Variants in RERE observed in about 807,000 individuals in gnomAD.
The protein encoded by RERE is arginine-glutamic acid dipeptide repeats, also known as arginine-glutamic acid dipeptide repeats protein.
A neutral mutation model predicts 146.1 loss-of-function variants in RERE; 40 were observed. The observed-to-expected ratio is 0.27, with a 90% CI of 0.21 to 0.36. The LOEUF is 0.36. RERE is among the 10% of genes least tolerant of loss of function. The probability of loss-of-function intolerance (pLI) is 1.00; values close to 1 mark genes in which losing one functional copy is unlikely to be tolerated. For missense variants in RERE, 1,933 were observed against 2,138.7 expected (o/e 0.90, Z 1.90); for synonymous variants, 1,003 against 866.0 (o/e 1.16, Z -2.78).
chr1:8,753,907 C>G (rs1640586581), intron 1 of RERE: 1 of 152,190 alleles, frequency 6.6e-6, no homozygotes, highest in African/African-American at 2.4e-5. Flanking sequence ...GGTCCTCATG[C>G]ATAATGCACA....
intron 1 of RERE, among the ~76,000 whole-genome samples, chr1:8,715,079 C>T (rs1173166420): frequency 4.0e-5 from 6 of 151,644 alleles, no homozygotes; most frequent in African/African-American, 9.7e-5. Flanking sequence ...TCACCATGTT[C>T]GCCAGGATGC....
chr1:8,614,602 G>C lies in RERE; in HGVS notation c.481C>G (p.Pro161Ala). ...CCGGCTTCAGAAAGATGCTGTGGTG[G>C]CTGTGATGCCACCGGCAGAGAGCAT... The part of the protein sequence containing the change: ...PACSLPVASQ[P>A]PQHLSEAGRG... The change falls in exon 4 of 23, where the codon CCA becomes GCA. Residue 161 changes from proline (P) to alanine (A), a missense_variant. Around this residue, in one of 11 missense-constraint regions of RERE, gnomAD observed 74 missense variants for 99.6 expected, o/e 0.74. Coordinates refer to ENST00000400908, the MANE Select transcript of RERE (RefSeq NM_001042681.2). 1 of 1,613,108 alleles carries C rather than the reference G, an allele frequency of 6.2e-7. No individual in the cohort carries two copies. Among genetic ancestry groups the C allele is most frequent in the Non-Finnish European group, 8.5e-7 (1 of 1,179,466 alleles).
chr1:8,359,619 G>A, intron 19 of RERE, 145 bp downstream of exon 19: 3 of 900,030 alleles, frequency 3.3e-6, no homozygotes, highest in Non-Finnish European at 5.2e-6. Flanking sequence ...CAGAGGTGTG[G>A]AGACAGGGTG....
chr1:8,788,358 A>T (rs1463981392), intron 1 of RERE, among the ~76,000 whole-genome samples: 1 of 151,388 alleles, frequency 6.6e-6, no homozygotes, highest in Non-Finnish European at 1.5e-5. Flanking sequence ...GTGTTTATCA[A>T]GGAGTTTTTT....
intron 1 of RERE, among the ~76,000 whole-genome samples, chr1:8,666,482 A>C (rs1638576962): frequency 6.6e-6 from 1 of 152,148 alleles, no homozygotes; most frequent in African/African-American, 2.4e-5. Context: ...CCAAACAGGC[A>C]CCCTACAGCT....
intron 8 of RERE, among the ~76,000 whole-genome samples, chr1:8,500,062 C>T (rs749296830): frequency 6.6e-6 from 1 of 152,128 alleles, no homozygotes; most frequent in African/African-American, 2.4e-5. Flanking sequence ...CGGAGGTTCC[C>T]GTGAGCTGAG....
At chr1:8,766,783 A>G (rs908967408) in intron 1 of RERE, among the ~76,000 whole-genome samples, 1 of 152,174 alleles carries the variant, frequency 6.6e-6, no homozygotes, top group Non-Finnish European at 1.5e-5. Flanking sequence ...GAAAATTCAC[A>G]ATATTGTGAA....
At chr1:8,782,232 T>G (rs996617959) in intron 1 of RERE, among the ~76,000 whole-genome samples, 3 of 152,102 alleles carry the variant, frequency 2.0e-5, no homozygotes, top group African/African-American at 7.2e-5. Context: ...TTTAGCAGAT[T>G]TTTGACACAC....
intron 1 of RERE, among the ~76,000 whole-genome samples, chr1:8,707,442 G>A (rs534345182): frequency 3.9e-5 from 6 of 151,952 alleles, no homozygotes; most frequent in Admixed American, 6.6e-5. Flanking sequence ...CCACCACTCC[G>A]CTCTGTCACA....
intron 11 of RERE, among the ~76,000 whole-genome samples, chr1:8,463,254 G>A (rs1444350555): frequency 6.6e-6 from 1 of 152,080 alleles, no homozygotes; most frequent in Non-Finnish European, 1.5e-5. Flanking sequence ...CTACACATAA[G>A]GGAACCATTT....
At chr1:8,810,116 C>A (rs1005178740) in intron 1 of RERE, among the ~76,000 whole-genome samples, 1 of 152,136 alleles carries the variant, frequency 6.6e-6, no homozygotes, top group African/African-American at 2.4e-5. Flanking sequence ...AGCGATTCTT[C>A]CACCTCAGCC....
intron 4 of RERE, among the ~76,000 whole-genome samples, chr1:8,601,666 AC>A (rs2124141398): frequency 2.3e-5 from 3 of 132,544 alleles, no homozygotes; most frequent in East Asian, 2.2e-4. Context: ...ACACACACAC[AC>A]ACACATCTTC....
At chr1:8,728,016 TCAGCCAACG>T (rs766986660) in intron 1 of RERE, among the ~76,000 whole-genome samples, 10 of 152,330 alleles carry the variant, frequency 6.6e-5, no homozygotes, top group East Asian at 1.9e-4. Context: ...CACACGAACC[TCAGCCAACG>T]CAGCCAACGC....
chr1:8,811,752 T>A (rs1394934179), intron 1 of RERE, among the ~76,000 whole-genome samples: 1 of 152,250 alleles, frequency 6.6e-6, no homozygotes, highest in East Asian at 1.9e-4. Context: ...GCTGCAGGAC[T>A]GTCTGAAGAT....
At chr1:8,526,739 A>G (rs1182133180) in intron 7 of RERE, among the ~76,000 whole-genome samples, 1 of 152,244 alleles carries the variant, frequency 6.6e-6, no homozygotes, top group Non-Finnish European at 1.5e-5. Context: ...ACAATTAGAA[A>G]GACAGGAAGG....
intron 8 of RERE, among the ~76,000 whole-genome samples, chr1:8,501,002 G>A (rs1645132117): frequency 8.2e-6 from 1 of 121,476 alleles, no homozygotes; most frequent in Non-Finnish European, 1.7e-5. Flanking sequence ...AGTGAGGAGC[G>A]TCTCCGCCCG....
intron 1 of RERE, among the ~76,000 whole-genome samples, chr1:8,703,515 G>A (rs1639502812): frequency 6.6e-6 from 1 of 152,026 alleles, no homozygotes; most frequent in Non-Finnish European, 1.5e-5. Context: ...GCCGCCGCGG[G>A]CGCGCGCACA....
intron 12 of RERE, among the ~76,000 whole-genome samples, chr1:8,400,703 C>G (rs1166206514): frequency 2.0e-5 from 3 of 151,426 alleles, no homozygotes; most frequent in Non-Finnish European, 4.4e-5. Context: ...ACAGTTTCAC[C>G]ATTAAATATG....
intron 4 of RERE, among the ~76,000 whole-genome samples, chr1:8,598,426 A>AGCTGGGT (rs1165696570): frequency 1.3e-5 from 2 of 152,188 alleles, no homozygotes; most frequent in Non-Finnish European, 2.9e-5. Context: ...AACGTCACGG[A>AGCTGGGT]GCTGGGTGCT....
Sources: allele counts gnomAD v4.1 joint callset (sites outside exome capture counted in the v4.1 genomes callset), GRCh38; gene constraint gnomAD v4.1.1; regional missense constraint gnomAD v4.1.1; transcripts MANE v1.5; gene names NCBI Gene and HGNC (gene_info 2026-07-23, HGNC 2026-07-21).